COLEC12: variants seen among roughly 807,000 people sequenced by gnomAD.
COLEC12 encodes collectin-12.
Under a neutral mutation model 71.1 loss-of-function variants are expected in COLEC12, and 33 were observed. That is an observed-to-expected ratio of 0.46 (90% confidence interval 0.35 to 0.62). COLEC12 has a LOEUF of 0.62. COLEC12 is among the 20% of genes least tolerant of loss of function. The pLI is 0.00. For synonymous variants in COLEC12, 350 were observed against 353.0 expected (o/e 0.99, Z 0.10); for missense variants, 765 against 916.1 (o/e 0.84, Z 2.13).
In COLEC12 at chr18:500,543, G is replaced by A; in HGVS notation, c.-29C>T. On this transcript the variant is annotated 5_prime_UTR_variant, in exon 1 of 10. Coordinates refer to ENST00000400256, the MANE Select transcript of COLEC12 (RefSeq NM_130386.3). The surrounding 1 kb of genome is among the most constrained non-coding windows in gnomAD (Gnocchi z 5.3). ...GACCGTGGGGACGCACCGCCGGCCG[G>A]GGAGCTCCGCGCGAGCGCCGCGCAG... is the stretch of plus-strand genomic sequence containing the variant. 2.5e-6 allele frequency: 3 copies of A among 1,222,896 alleles called. No individual in the cohort carries two copies. The highest frequency in any genetic ancestry group is 3.1e-6 in the Non-Finnish European group (3 of 982,420). 75.8% of individuals were successfully genotyped at this position (1,222,896 alleles called of 1,614,324 possible).
intron 1 of COLEC12, among the ~76,000 whole-genome samples, chr18:499,951 A>C (rs910042177): frequency 3.9e-5 from 6 of 152,218 alleles, no homozygotes; most frequent in Admixed American, 3.9e-4. Context: ...CTGATGGAGA[A>C]AGATGCCAAA....
At chr18:445,635 C>CTTTT (rs35766404) in intron 2 of COLEC12, among the ~76,000 whole-genome samples, 25,041 of 137,196 alleles carry the variant, frequency 0.18, 2,712 homozygotes, top group African/African-American at 0.21. Flanking sequence ...CACTAATCCA[C>CTTTT]TTTTTTTTTT....
At chr18:435,796 A>C (rs1916392254) in intron 2 of COLEC12, among the ~76,000 whole-genome samples, 1 of 152,214 alleles carries the variant, frequency 6.6e-6, no homozygotes, top group African/African-American at 2.4e-5. Context: ...ATTTGTTTTC[A>C]AAATGCAAAA....
chr18:419,756 T>C (rs1916060013), intron 2 of COLEC12, among the ~76,000 whole-genome samples: 1 of 152,208 alleles, frequency 6.6e-6, no homozygotes, highest in South Asian at 2.1e-4. Flanking sequence ...ACACATTCTT[T>C]GCTATTCCCC....
chr18:376,296 C>T (rs532365980), intron 2 of COLEC12, among the ~76,000 whole-genome samples: 118 of 152,258 alleles, frequency 7.7e-4, no homozygotes, highest in Non-Finnish European at 1.2e-3. Context: ...CTGTTTACTT[C>T]CTAACTTCAC....
intron 2 of COLEC12, among the ~76,000 whole-genome samples, chr18:449,204 T>C (rs1157821513): frequency 1.3e-5 from 2 of 152,164 alleles, no homozygotes; most frequent in East Asian, 3.8e-4. Context: ...TAGAAGACTT[T>C]TACTCTCTAA....
intron 2 of COLEC12, among the ~76,000 whole-genome samples, chr18:390,132 G>A (rs1915431783): frequency 6.6e-6 from 1 of 152,168 alleles, no homozygotes. Flanking sequence ...CAGTTCCCAG[G>A]ACCTAGAAGT....
At chr18:441,951 G>A (rs1158471212) in intron 2 of COLEC12, among the ~76,000 whole-genome samples, 1 of 143,806 alleles carries the variant, frequency 7.0e-6, no homozygotes, top group East Asian at 2.0e-4. Context: ...AGTGAGCCGT[G>A]ATCATGCTAC....
chr18:421,516 G>C (rs913232150), intron 2 of COLEC12, among the ~76,000 whole-genome samples: 1 of 152,096 alleles, frequency 6.6e-6, no homozygotes, highest in Non-Finnish European at 1.5e-5. Context: ...ACGACTCAGA[G>C]GAATGTAAGA....
At chr18:400,210 G>A (rs1296931512) in intron 2 of COLEC12, among the ~76,000 whole-genome samples, 2 of 152,146 alleles carry the variant, frequency 1.3e-5, no homozygotes, top group African/African-American at 4.8e-5. Context: ...GGACAATGAA[G>A]CCCAGGTGTG....
Position 364,621 on chromosome 18 carries a change from T to C in COLEC12, c.59-7099A>G, listed in dbSNP as rs559477311. ...TGAATCTTTTCATTAAAAGGACTCA[T>C]GAAAATGCAGCTCTAGCTTGGGTCA... is the stretch of plus-strand genomic sequence containing the variant. On this transcript the variant is annotated intron_variant, in intron 2 of 9. Coordinates refer to ENST00000400256, the MANE Select transcript of COLEC12 (RefSeq NM_130386.3). Among the ~76,000 whole-genome samples the C allele has an allele frequency of 2.6e-4, 39 of 152,336 alleles. 1 individual carries two copies. Among genetic ancestry groups the C allele is most frequent in the Admixed American group, 2.4e-3 (37 of 15,300 alleles).
rs370321934 is a variant in COLEC12, at chr18:381,846, T to C, written c.59-24324A>G. 3.9e-5 allele frequency among the ~76,000 whole-genome samples: 6 copies of C among 152,312 alleles called. No homozygotes were observed. The East Asian group carries it at 9.6e-4, about 24-fold the overall frequency. ...AGCATGGAGATATATCCCTATGATA[T>C]ACATAGTTTCAAGTAAAATAAAGCA... On this transcript the variant is annotated intron_variant, in intron 2 of 9. Transcript: ENST00000400256.
intron 8 of COLEC12, among the ~76,000 whole-genome samples, chr18:326,983 C>G (rs1439213264): frequency 6.6e-6 from 1 of 152,198 alleles, no homozygotes; most frequent in African/African-American, 2.4e-5. Flanking sequence ...CGACTGCTCA[C>G]TCATACTGCT....
At chr18:468,506 A>G (rs1267880170) in intron 2 of COLEC12, among the ~76,000 whole-genome samples, 1 of 152,216 alleles carries the variant, frequency 6.6e-6, no homozygotes, top group Admixed American at 6.5e-5. Flanking sequence ...CATGCTTCCA[A>G]TTCAGAAGTC....
Position 427,394 on chromosome 18 carries a change from C to A in COLEC12, c.58+53313G>T, listed in dbSNP as rs532051831. Among the ~76,000 whole-genome samples, 18 of 152,262 alleles carry A rather than the reference C, an allele frequency of 1.2e-4. No homozygotes were observed. The South Asian group carries it at 1.2e-3, about 11-fold the overall frequency. ...CTATGTGGGCCGTAGGGAGAGAAAT[C>A]CTCATTTCAAGACGGGTAAAGAAGC... On this transcript the variant is annotated intron_variant, in intron 2 of 9. Transcript: ENST00000400256.
At position 331,693 on chromosome 18, in the gene COLEC12, G is replaced by A. The variant is rs774098287; in HGVS notation, c.2038C>T (p.Leu680=). Residue 680 remains leucine (L), a synonymous_variant, in exon 8 of 10, where the codon CTG becomes TTG. Coordinates refer to ENST00000400256, the MANE Select transcript of COLEC12 (RefSeq NM_130386.3). ...DSERENEWKW[L]DGTSPDYKNW... is the part of the protein sequence containing the mutation. ...TTGTAGTCTGGAGATGTCCCATCCA[G>A]CCACTTCCATTCATTTTCACGCTCT... The A allele has an allele frequency of 4.3e-6, 7 of 1,611,822 alleles. No individual in the cohort carries two copies. The highest frequency in any genetic ancestry group is 1.3e-5 in the African/African-American group (1 of 74,868).
chr18:347,654 T>C (rs1015591568), intron 4 of COLEC12, among the ~76,000 whole-genome samples: 1 of 151,372 alleles, frequency 6.6e-6, no homozygotes, highest in Admixed American at 6.6e-5. Flanking sequence ...ATTTCCCAAA[T>C]TTTTTTTTAA....
At chr18:483,399 CAAA>C (rs71174236) in intron 1 of COLEC12, among the ~76,000 whole-genome samples, 4 of 81,352 alleles carry the variant, frequency 4.9e-5, no homozygotes, top group African/African-American at 4.6e-5. Context: ...GACTCCGTCT[CAAA>C]AAAAAAAAAA....
At chr18:359,717 T>C (rs1256603112) in intron 2 of COLEC12, among the ~76,000 whole-genome samples, 1 of 152,210 alleles carries the variant, frequency 6.6e-6, no homozygotes, top group African/African-American at 2.4e-5. Context: ...ATCAGGAGAT[T>C]CCCTGTTTTC....
Sources: gnomAD v4.1 joint callset for allele counts (sites outside exome capture counted in the v4.1 genomes callset) on GRCh38, gnomAD v4.1.1 for gene constraint, Gnocchi (gnomAD v3.1) non-coding constraint, MANE v1.5 for transcripts, NCBI Gene and HGNC (gene_info 2026-07-23, HGNC 2026-07-21) for gene names.